The following SLC4A10 variants were observed in gnomAD, a reference collection of about 807,000 sequenced individuals.
SLC4A10 encodes sodium-driven chloride bicarbonate exchanger.
SLC4A10 carries 42 observed loss-of-function variants against 137.7 expected under a neutral mutation model. That is an observed-to-expected ratio of 0.30 (90% CI 0.24 to 0.39). The LOEUF is 0.39. SLC4A10 is among the 10% of genes least tolerant of loss of function. SLC4A10 has a pLI of 1.00. For synonymous variants in SLC4A10, 474 were observed against 464.1 expected, an observed-to-expected ratio of 1.02 and a Z score of -0.27; for missense variants, 925 against 1,355.0, an observed-to-expected ratio of 0.68 and a Z score of 4.98.
chr2:161,665,499 A>G (rs2038935659), intron 1 of SLC4A10, among the ~76,000 whole-genome samples: 1 of 151,620 alleles, frequency 6.6e-6, no homozygotes, highest in Admixed American at 6.6e-5. Context: ...AATAGGAAAA[A>G]ACAAGATAGG....
Position 161,953,093 on chromosome 2 carries a change from C to T in SLC4A10, c.2541+2245C>T, listed in dbSNP as rs146490635. ...CATTTTTGCCTTGGTTGGAGCATTC[C>T]CCGAAATTGTTTAATGAATCATGTT... is the stretch of plus-strand genomic sequence containing the variant. On this transcript the variant is annotated intron_variant, in intron 19 of 26. Coordinates refer to ENST00000446997, the MANE Select transcript of SLC4A10 (RefSeq NM_001178015.2). Among the ~76,000 whole-genome samples, 51 of 152,040 alleles carry T rather than the reference C, an allele frequency of 3.4e-4. No individual in the cohort carries two copies. The East Asian group carries it at 8.5e-3, about 25-fold the overall frequency.
chr2:161,682,421 G>A lies in SLC4A10; in HGVS notation c.48+57855G>A, dbSNP rs11898658. On this transcript the variant is annotated intron_variant, in intron 1 of 26. Coordinates refer to ENST00000446997, the MANE Select transcript of SLC4A10 (RefSeq NM_001178015.2). The stretch of plus-strand genomic sequence containing the variant: ...TCGTAAGTATTGCAGGTAAAGGGAA[G>A]TTAACTTTTTCAAGGTGGAACTTCA... Among the ~76,000 whole-genome samples, 537 of 152,232 alleles carry A rather than the reference G, an allele frequency of 3.5e-3. 3 individuals are homozygous for A. The highest frequency in any genetic ancestry group is 0.012 in the African/African-American group (506 of 41,546).
Position 161,875,875 on chromosome 2 carries a change from G to T in SLC4A10, c.948+1870G>T, listed in dbSNP as rs577906975. On this transcript the variant is annotated intron_variant, in intron 8 of 26. Transcript: ENST00000446997. ...AAGATCACTGGCGAGTTAGTGTCAA[G>T]ACACCATTTCTTCCCAGAGAATCCC... Among the ~76,000 whole-genome samples, 157 of 152,294 alleles carry T rather than the reference G, an allele frequency of 1.0e-3. 1 individual carries two copies. The highest frequency in any genetic ancestry group is 3.8e-3 in the African/African-American group (156 of 41,568).
intron 2 of SLC4A10, among the ~76,000 whole-genome samples, chr2:161,772,684 G>A (rs1030591110): frequency 1.3e-5 from 2 of 151,774 alleles, no homozygotes; most frequent in Admixed American, 1.3e-4. Context: ...AGTCATTGGT[G>A]ATTAAAATTA....
At chr2:161,669,558 G>A (rs1312875795) in intron 1 of SLC4A10, among the ~76,000 whole-genome samples, 3 of 151,940 alleles carry the variant, frequency 2.0e-5, no homozygotes, top group Non-Finnish European at 4.4e-5. Context: ...AATTGCTAAT[G>A]TGAGTGACAT....
rs1261623503 is a variant in SLC4A10 at position 161,964,299 on chromosome 2, T to C, written c.3027T>C (p.Phe1009=). Residue 1009 remains phenylalanine, a synonymous_variant, in exon 22 of 27, where the codon TTT becomes TTC. Transcript: ENST00000446997. ...IIKVSRAAIV[F]PMMVLALVFV... is the part of the protein sequence containing the mutation. Reference sequence around the variant, plus strand: ...AAGTTTCAAGAGCTGCTATTGTCTTTCCCATGATGGTATGAAACTTCTGTC... The same window carrying C: ...AAGTTTCAAGAGCTGCTATTGTCTTCCCCATGATGGTATGAAACTTCTGTC... 1 of 1,613,384 alleles carries C rather than the reference T, an allele frequency of 6.2e-7. No homozygotes were observed. Among genetic ancestry groups the C allele is most frequent in the Admixed American group, 1.7e-5 (1 of 59,948 alleles).
chr2:161,760,538 C>G (rs1396763089), intron 1 of SLC4A10, among the ~76,000 whole-genome samples: 7 of 152,006 alleles, frequency 4.6e-5, no homozygotes, highest in Non-Finnish European at 1.0e-4. Context: ...TGCTCTGGGT[C>G]CTGCTCATGT....
At position 161,665,659 on chromosome 2, in the gene SLC4A10, A is replaced by G. The variant is rs545169017; in HGVS notation, c.48+41093A>G. 2.6e-5 allele frequency among the ~76,000 whole-genome samples: 4 copies of G among 151,814 alleles called. No individual in the cohort carries two copies. The South Asian group carries it at 8.3e-4, about 32-fold the overall frequency. ...ATCTTAAGCTATTTGACAACTGGAA[A>G]GAAATATTTATTTTTATTTTCAAAA... is the stretch of plus-strand genomic sequence containing the variant. On this transcript the variant is annotated intron_variant, in intron 1 of 26. Coordinates refer to ENST00000446997, the MANE Select transcript of SLC4A10 (RefSeq NM_001178015.2).
At chr2:161,674,656 G>A (rs1387403647) in intron 1 of SLC4A10, among the ~76,000 whole-genome samples, 1 of 152,162 alleles carries the variant, frequency 6.6e-6, no homozygotes, top group Non-Finnish European at 1.5e-5. Flanking sequence ...CTGGGATCAA[G>A]AGAAGAAATA....
chr2:161,836,048 G>A (rs953407995), intron 3 of SLC4A10, among the ~76,000 whole-genome samples: 22 of 152,216 alleles, frequency 1.4e-4, no homozygotes, highest in East Asian at 5.8e-4. Flanking sequence ...AGATTTATCC[G>A]TGACTGATGG....
intron 15 of SLC4A10, among the ~76,000 whole-genome samples, chr2:161,914,668 AT>A (rs1391364853): frequency 1.3e-5 from 2 of 151,408 alleles, no homozygotes; most frequent in African/African-American, 4.8e-5. Flanking sequence ...TTTTTTTATT[AT>A]AAAAGCAGAT....
At position 161,947,575 on chromosome 2, in the gene SLC4A10, T is replaced by G; in HGVS notation, c.2113T>G (p.Ser705Ala). ...TTACTTCCTCTGGCAGGAATGCAAA[T>G]CATTGCATGGAGAGTATGTTGGACG... is the stretch of plus-strand genomic sequence containing the variant. ...WENLTVSECK[S>A]LHGEYVGRAC... The change falls in exon 17 of 27, where the codon TCA becomes GCA. Residue 705 changes from serine to alanine, a missense_variant. Transcript: ENST00000446997. 5 of 1,608,782 alleles carry G rather than the reference T, an allele frequency of 3.1e-6. No homozygotes were observed. Among genetic ancestry groups the G allele is most frequent in the Non-Finnish European group, 4.2e-6 (5 of 1,178,154 alleles).
At chr2:161,761,701 A>G (rs953880506) in intron 1 of SLC4A10, among the ~76,000 whole-genome samples, 2 of 152,090 alleles carry the variant, frequency 1.3e-5, no homozygotes, top group Non-Finnish European at 2.9e-5. Flanking sequence ...ACTAGGAGAG[A>G]TAGTATTCCT....
intron 1 of SLC4A10, among the ~76,000 whole-genome samples, chr2:161,759,483 C>T (rs2050018481): frequency 6.6e-6 from 1 of 151,996 alleles, no homozygotes; most frequent in Admixed American, 6.6e-5. Flanking sequence ...CTCCCCATTT[C>T]TGCATGCTCC....
Position 161,879,201 on chromosome 2 carries a change from A to G in SLC4A10, c.1019A>G (p.Glu340Gly), listed in dbSNP as rs762145468. 1.2e-6 allele frequency: 2 copies of G among 1,613,590 alleles called. No homozygotes were observed. The highest frequency in any genetic ancestry group is 3.3e-5 in the Admixed American group (2 of 59,968). Residue 340 changes from glutamate (E) to glycine (G), a missense_variant, in exon 9 of 27, where the codon GAG becomes GGG. Glu to Gly is a moderately conservative substitution (Grantham distance 98). This residue lies in a region of SLC4A10 where 277 missense variants were observed against 306.1 expected (regional missense o/e 0.90). Transcript: ENST00000446997. ...TCGAACATCTTAGTGGGAGAACTGG[A>G]GTTCTTGGATCGAACAGTAGTTGCG... is the stretch of plus-strand genomic sequence containing the variant. The part of the protein sequence containing the change: ...EASNILVGEL[E>G]FLDRTVVAFV...
intron 1 of SLC4A10, among the ~76,000 whole-genome samples, chr2:161,657,328 G>A (rs528474472): frequency 3.3e-5 from 5 of 151,936 alleles, no homozygotes; most frequent in African/African-American, 1.2e-4. Flanking sequence ...ATAAAGCCTG[G>A]CACATAAAAA....
At chr2:161,764,078 A>G (rs1025927645) in intron 1 of SLC4A10, among the ~76,000 whole-genome samples, 5 of 152,168 alleles carry the variant, frequency 3.3e-5, no homozygotes, top group African/African-American at 1.2e-4. Flanking sequence ...GCCAATAATT[A>G]TAATAGTAAA....
chr2:161,956,147 A>T (rs1356856780), intron 19 of SLC4A10, among the ~76,000 whole-genome samples: 1 of 152,122 alleles, frequency 6.6e-6, no homozygotes, highest in East Asian at 1.9e-4. Context: ...ACATTTTCTG[A>T]TTGCTTTCTA....
chr2:161,625,332 T>C (rs569918260), intron 1 of SLC4A10, among the ~76,000 whole-genome samples: 82 of 152,164 alleles, frequency 5.4e-4, no homozygotes, highest in African/African-American at 1.6e-3. Flanking sequence ...AATCTCTCTG[T>C]CTGGCTCGCA....
Sources: gnomAD v4.1 joint callset for allele counts (sites outside exome capture counted in the v4.1 genomes callset) on GRCh38, gnomAD v4.1.1 for gene constraint, gnomAD v4.1.1 regional missense constraint, MANE v1.5 for transcripts, NCBI Gene and HGNC (gene_info 2026-07-23, HGNC 2026-07-21) for gene names.